The following MYO16 variants were observed in gnomAD, a reference collection of about 807,000 sequenced individuals.
MYO16 encodes unconventional myosin-XVI.
In MYO16, 94 loss-of-function variants were observed where a neutral mutation model predicts 205.3. That is an observed-to-expected ratio of 0.46 (90% CI 0.39 to 0.54). MYO16 has a LOEUF of 0.54. Ranked by LOEUF, MYO16 falls within the 20% of genes least tolerant of loss-of-function variation. The probability of loss-of-function intolerance (pLI) is 0.00; values close to 1 mark genes in which losing one functional copy is unlikely to be tolerated. For synonymous variants in MYO16, 988 were observed against 954.0 expected (o/e 1.04, Z -0.66); for missense variants, 2,315 against 2,387.5 (o/e 0.97, Z 0.63).
At chr13:109,151,375 A>G (rs549072953) in intron 32 of MYO16, among the ~76,000 whole-genome samples, 5 of 152,320 alleles carry the variant, frequency 3.3e-5, no homozygotes, top group Non-Finnish European at 7.3e-5. Flanking sequence ...TTAATAACAC[A>G]TGTTAATTAT....
At chr13:109,103,663 C>T (rs1889038387) in intron 28 of MYO16, among the ~76,000 whole-genome samples, 1 of 152,164 alleles carries the variant, frequency 6.6e-6, no homozygotes. Context: ...GAAGGAAAGC[C>T]TTGAATCATC....
intron 4 of MYO16, among the ~76,000 whole-genome samples, chr13:108,730,200 C>T (rs1383005177): frequency 1.3e-5 from 2 of 152,128 alleles, no homozygotes; most frequent in African/African-American, 2.4e-5. Context: ...ATGCTATTCT[C>T]ATGACGGTAA....
At chr13:109,061,249 CCTT>C (rs1438608501) in intron 27 of MYO16, among the ~76,000 whole-genome samples, 2 of 152,286 alleles carry the variant, frequency 1.3e-5, no homozygotes, top group East Asian at 3.9e-4. Flanking sequence ...GGCAGTTTCA[CCTT>C]CTTACATTCG....
chr13:109,186,398 C>A (rs891390877), intron 34 of MYO16, among the ~76,000 whole-genome samples: 1 of 152,112 alleles, frequency 6.6e-6, no homozygotes, highest in African/African-American at 2.4e-5. Context: ...GAGCACAAGG[C>A]AGATGGTGTT....
intron 31 of MYO16, among the ~76,000 whole-genome samples, chr13:109,131,763 G>A (rs1216883130): frequency 1.3e-5 from 2 of 152,226 alleles, no homozygotes; most frequent in African/African-American, 4.8e-5. Context: ...CTTGGCTGGG[G>A]CCTCCCAGCT....
chr13:109,035,111 C>T (rs1356437847), intron 23 of MYO16, among the ~76,000 whole-genome samples: 2 of 152,078 alleles, frequency 1.3e-5, no homozygotes, highest in East Asian at 3.9e-4. Flanking sequence ...TCATTTTCTC[C>T]AAAATTCCAA....
chr13:108,708,010 C>T (rs538906552), intron 2 of MYO16, among the ~76,000 whole-genome samples: 1 of 152,246 alleles, frequency 6.6e-6, no homozygotes, highest in South Asian at 2.1e-4. Flanking sequence ...CGGTCACATT[C>T]CGTAATCAGA....
chr13:109,123,601 C>T (rs982299461), intron 29 of MYO16, among the ~76,000 whole-genome samples: 5 of 152,158 alleles, frequency 3.3e-5, no homozygotes, highest in Admixed American at 2.0e-4. Context: ...TACTGTTTAA[C>T]ATTTTTCCTT....
intron 2 of MYO16, among the ~76,000 whole-genome samples, chr13:108,686,750 C>T (rs189341729): frequency 1.8e-4 from 28 of 152,262 alleles, no homozygotes; most frequent in Admixed American, 6.5e-4. Flanking sequence ...GAAATCATGA[C>T]GAAGAGAAAA....
intron 2 of MYO16, among the ~76,000 whole-genome samples, chr13:108,703,253 C>T (rs1445152893): frequency 5.9e-5 from 9 of 151,648 alleles, no homozygotes; most frequent in African/African-American, 2.2e-4. Context: ...AAAAAGTAAC[C>T]CAAAAAGAGC....
At chr13:108,590,649 A>G in the MYO16 span, among the ~76,000 whole-genome samples, 1 of 152,148 alleles carries the variant, frequency 6.6e-6, no homozygotes, top group Non-Finnish European at 1.5e-5. Flanking sequence ...TTGGACACAG[A>G]CACGCACAGA....
chr13:109,110,894 G>T (rs752356213), intron 28 of MYO16, among the ~76,000 whole-genome samples: 10 of 152,144 alleles, frequency 6.6e-5, no homozygotes, highest in Non-Finnish European at 1.5e-4. Context: ...CATCCTTGTG[G>T]TCCCAGCATC....
intron 2 of MYO16, among the ~76,000 whole-genome samples, chr13:108,692,007 C>T (rs995007514): frequency 1.3e-5 from 2 of 152,162 alleles, no homozygotes; most frequent in African/African-American, 4.8e-5. Flanking sequence ...TTTACTGTCC[C>T]TAAGTTGACT....
At chr13:108,888,291 A>C in intron 13 of MYO16, 81 bp from the exon 14 acceptor site, 1 of 943,342 alleles carries the variant, frequency 1.1e-6, no homozygotes, top group Non-Finnish European at 1.6e-6. Context: ...TGTTCCTTCA[A>C]AGTAGTTTCA....
At chr13:108,900,762 C>T (rs977297599) in intron 15 of MYO16, among the ~76,000 whole-genome samples, 3 of 152,062 alleles carry the variant, frequency 2.0e-5, no homozygotes, top group Non-Finnish European at 4.4e-5. Context: ...GAAATCTGGG[C>T]ACCTTGAAAA....
At chr13:109,181,821 A>AT (rs1259095070) in intron 34 of MYO16, among the ~76,000 whole-genome samples, 217 of 148,364 alleles carry the variant, frequency 1.5e-3, no homozygotes, top group African/African-American at 5.1e-3. Context: ...TATTTATTTT[A>AT]TTTTATTTTT....
chr13:108,957,333 A>G (rs1000415078), intron 16 of MYO16, among the ~76,000 whole-genome samples: 1 of 147,310 alleles, frequency 6.8e-6, no homozygotes, highest in Non-Finnish European at 1.5e-5. Context: ...GCAGTGAGCC[A>G]AGACTGTGCA....
At chr13:108,743,110 C>T (rs1412275778) in intron 4 of MYO16, among the ~76,000 whole-genome samples, 1 of 152,076 alleles carries the variant, frequency 6.6e-6, no homozygotes, top group Non-Finnish European at 1.5e-5. Context: ...CCATAAGAAA[C>T]AAAATACTTT....
At chr13:108,496,089 C>T in the MYO16 span, among the ~76,000 whole-genome samples, 1 of 152,156 alleles carries the variant, frequency 6.6e-6, no homozygotes, top group Non-Finnish European at 1.5e-5. Flanking sequence ...GGGTCCCCAC[C>T]CAGAGTTCCC....
Sources: allele counts gnomAD v4.1 joint callset (sites outside exome capture counted in the v4.1 genomes callset), GRCh38; gene constraint gnomAD v4.1.1; transcripts MANE v1.5; gene names NCBI Gene and HGNC (gene_info 2026-07-23, HGNC 2026-07-21).